Variants in SETDB2 observed in about 807,000 individuals in gnomAD.
SETDB2 encodes SET domain bifurcated histone lysine methyltransferase 2.
Under a neutral mutation model 82.5 loss-of-function variants are expected in SETDB2, and 56 were observed. The observed-to-expected ratio is 0.68, with a 90% CI of 0.55 to 0.85. The LOEUF (loss-of-function observed/expected upper bound fraction) is 0.85, where lower values mean the gene tolerates loss of function less well. Ranked by LOEUF, SETDB2 falls within the 40% of genes least tolerant of loss-of-function variation. The pLI is 0.00. For synonymous variants in SETDB2, 272 were observed against 284.9 expected, an observed-to-expected ratio of 0.95 and a Z score of 0.46; for missense variants, 677 against 816.4, an observed-to-expected ratio of 0.83 and a Z score of 2.08.
intron 4 of SETDB2, among the ~76,000 whole-genome samples, chr13:49,463,334 G>A (rs1484753395): frequency 6.6e-6 from 1 of 152,052 alleles, no homozygotes; most frequent in Admixed American, 6.6e-5. Context: ...ATATGCACAA[G>A]TGTTGCGGGA....
At chr13:49,452,833 A>G (rs536599473) in intron 2 of SETDB2, among the ~76,000 whole-genome samples, 4 of 152,092 alleles carry the variant, frequency 2.6e-5, no homozygotes, top group Non-Finnish European at 5.9e-5. Context: ...GGGGAGTGTG[A>G]TCTCAGAGGT....
At chr13:49,459,537 T>C (rs988710808) in intron 2 of SETDB2, among the ~76,000 whole-genome samples, 10 of 152,256 alleles carry the variant, frequency 6.6e-5, no homozygotes, top group African/African-American at 2.4e-4. Flanking sequence ...GTTTTTCTTA[T>C]ATTTTCAATT....
At position 49,494,899 on chromosome 13, in the gene SETDB2, T is replaced by A. The variant is rs1396975268; in HGVS notation, c.*3050T>A. 6.6e-6 allele frequency: 1 copy of A among 152,174 alleles called. No individual in the cohort carries two copies. Among genetic ancestry groups the A allele is most frequent in the Non-Finnish European group, 1.5e-5 (1 of 68,030 alleles). 9.4% of individuals were successfully genotyped at this position (152,174 alleles called of 1,614,324 possible). A position where few individuals can be genotyped will look rare whatever the true frequency, so the allele number is the denominator to read the frequency against. Reference sequence around the variant, plus strand: ...CTTTTTTCCAGAACAACTTATTTTTTAACTATAATTATATGCATTTATGTT... The same window carrying A: ...CTTTTTTCCAGAACAACTTATTTTTAAACTATAATTATATGCATTTATGTT... On this transcript the variant is annotated 3_prime_UTR_variant, in exon 14 of 14. Transcript: ENST00000611815.
At chr13:49,490,989 A>C in intron 13 of SETDB2, 79 bp downstream of exon 13, 5 of 1,157,640 alleles carry the variant, frequency 4.3e-6, no homozygotes, top group South Asian at 1.4e-5. Flanking sequence ...GCTGTGGCTC[A>C]TACCTGTAAT....
At chr13:49,466,226 G>A (rs1958110855) in intron 4 of SETDB2, among the ~76,000 whole-genome samples, 1 of 152,090 alleles carries the variant, frequency 6.6e-6, no homozygotes, top group African/African-American at 2.4e-5. Context: ...TTGAGTCCAG[G>A]AGTTCAAGAC....
At chr13:49,475,790 C>CT (rs1248265990) in intron 5 of SETDB2, among the ~76,000 whole-genome samples, 76 of 148,140 alleles carry the variant, frequency 5.1e-4, no homozygotes, top group Non-Finnish European at 3.5e-4. Context: ...ACCCTGCCGA[C>CT]TTTTTTTTTT....
chr13:49,474,752 GA>G (rs1958321507), intron 5 of SETDB2, among the ~76,000 whole-genome samples: 1 of 152,242 alleles, frequency 6.6e-6, no homozygotes, highest in African/African-American at 2.4e-5. Context: ...TACAGTCGGA[GA>G]AAGGATGAGG....
chr13:49,451,229 C>T (rs1957779962), intron 1 of SETDB2, among the ~76,000 whole-genome samples: 1 of 150,816 alleles, frequency 6.6e-6, no homozygotes, highest in Admixed American at 6.6e-5. Flanking sequence ...GTCTTGTCCT[C>T]AGAACAACCT....
chr13:49,490,279 C>CAA (rs60013535), intron 12 of SETDB2, among the ~76,000 whole-genome samples: 6,166 of 82,918 alleles, frequency 0.074, 748 homozygotes, highest in East Asian at 0.2. Flanking sequence ...GACTCCGTCT[C>CAA]AAAAAAAAAA....
intron 5 of SETDB2, among the ~76,000 whole-genome samples, chr13:49,471,934 A>ATATATATATATATATATTTTT (rs1378783393): frequency 2.5e-5 from 3 of 119,260 alleles, no homozygotes; most frequent in African/African-American, 1.1e-4. Flanking sequence ...ATATATATAT[A>ATATATATATATATATATTTTT]TTTTTTTTTT....
chr13:49,494,664 T>A lies in SETDB2; in HGVS notation c.*2815T>A, dbSNP rs982810825. 2 of 116 alleles carry A rather than the reference T, an allele frequency of 0.017. No individual in the cohort carries two copies. Among genetic ancestry groups the A allele is most frequent in the African/African-American group, 0.025 (2 of 80 alleles). The allele number at this position is 116 out of a possible 1,614,324, so 0.0% of individuals were successfully genotyped here. A position where few individuals can be genotyped will look rare whatever the true frequency, so the allele number is the denominator to read the frequency against. On this transcript the variant is annotated 3_prime_UTR_variant, in exon 14 of 14. Coordinates refer to ENST00000611815, the MANE Select transcript of SETDB2 (RefSeq NM_001160308.3). ...GGCAAAAAAAAATTTAAAAATTGGC[T>A]GCTAGGGTCTGTCTGCTCACTTCCC...
chr13:49,449,525 A>G (rs1431292670), intron 1 of SETDB2, among the ~76,000 whole-genome samples: 1 of 151,794 alleles, frequency 6.6e-6, no homozygotes. Context: ...CGCTGGCATC[A>G]CTTTTATTTT....
In SETDB2 at chr13:49,491,929, A is replaced by C. The variant is rs747400864; in HGVS notation, c.*80A>C. The C allele has an allele frequency of 5.2e-6, 5 of 953,214 alleles. No homozygotes were observed. The South Asian group carries it at 6.5e-5, about 12-fold the overall frequency. The allele number at this position is 953,214 out of a possible 1,614,324, so 59.0% of individuals were successfully genotyped here. Reference sequence around the variant, plus strand: ...ATGCAAAAGAAGGTCTAGGTCCATCAAGGAAATTCCCCTCCGTTTTCCTTT... The same window carrying C: ...ATGCAAAAGAAGGTCTAGGTCCATCCAGGAAATTCCCCTCCGTTTTCCTTT... On this transcript the variant is annotated 3_prime_UTR_variant, in exon 14 of 14. Transcript: ENST00000611815.
At chr13:49,466,397 A>G (rs913997039) in intron 4 of SETDB2, among the ~76,000 whole-genome samples, 3 of 151,820 alleles carry the variant, frequency 2.0e-5, no homozygotes, top group African/African-American at 4.8e-5. Context: ...GATCACATCA[A>G]CGTACTCCAG....
chr13:49,449,175 A>G (rs1957744516), intron 1 of SETDB2, among the ~76,000 whole-genome samples: 1 of 152,066 alleles, frequency 6.6e-6, no homozygotes, highest in Non-Finnish European at 1.5e-5. Flanking sequence ...ATTCACCTTT[A>G]TTGTGATTAT....
At chr13:49,479,103 T>C (rs1298138192) in intron 6 of SETDB2, among the ~76,000 whole-genome samples, 1 of 152,104 alleles carries the variant, frequency 6.6e-6, no homozygotes, top group African/African-American at 2.4e-5. Flanking sequence ...TAATGAAAAA[T>C]ACACAATATA....
rs57776054 is a variant in SETDB2, at chr13:49,449,346, G to T, written c.-341-2207G>T. 6.9e-3 allele frequency among the ~76,000 whole-genome samples: 1,042 copies of T among 152,112 alleles called. 10 individuals carry two copies. Among genetic ancestry groups the T allele is most frequent in the African/African-American group, 0.023 (968 of 41,466 alleles). ...GCTCACTGCAACCTCTGCCTCCCAG[G>T]TTCAAGCAATTTTCCTCCCTCAGCC... On this transcript the variant is annotated intron_variant, in intron 1 of 13. Coordinates refer to ENST00000611815, the MANE Select transcript of SETDB2 (RefSeq NM_001160308.3).
At chr13:49,467,530 T>C (rs1566163469) in intron 4 of SETDB2, among the ~76,000 whole-genome samples, 1 of 152,208 alleles carries the variant, frequency 6.6e-6, no homozygotes, top group Non-Finnish European at 1.5e-5. Context: ...TTATAGAGCC[T>C]TTAAGAATTA....
At chr13:49,445,150 C>G (rs1037003104) in intron 1 of SETDB2, among the ~76,000 whole-genome samples, 1 of 152,172 alleles carries the variant, frequency 6.6e-6, no homozygotes, top group Non-Finnish European at 1.5e-5. Context: ...GTGTCTGCCA[C>G]TTACGGTATG....
Sources: allele counts gnomAD v4.1 joint callset (sites outside exome capture counted in the v4.1 genomes callset), GRCh38; gene constraint gnomAD v4.1.1; transcripts MANE v1.5; gene names NCBI Gene and HGNC (gene_info 2026-07-23, HGNC 2026-07-21).